The following CDH4 variants were observed in gnomAD, a reference collection of about 807,000 sequenced individuals.
CDH4 encodes the protein cadherin 4.
Under a neutral mutation model 86.0 loss-of-function variants are expected in CDH4, and 33 were observed. The ratio of observed to expected loss-of-function variants is 0.38; its 90% confidence interval spans 0.29 to 0.51. The LOEUF (loss-of-function observed/expected upper bound fraction) is 0.51. Ranked by LOEUF, CDH4 falls within the 20% of genes least tolerant of loss-of-function variation. The pLI is 0.86. For missense variants in CDH4, 1,114 were observed against 1,307.4 expected (o/e 0.85, Z 2.28); for synonymous variants, 555 against 549.4 (o/e 1.01, Z -0.14).
rs1258700813 is a variant in CDH4 at position 61,902,214 on chromosome 20, C to T, written c.1188+7167C>T. ...GCATCGTGGATGGCCGTTTTCAGAG[C>T]AGGGCAGGCAGCACAAACGGATGAA... On this transcript the variant is annotated intron_variant, in intron 8 of 15. Transcript: ENST00000614565. This position sits in a 1 kb window ranked among gnomAD's most constrained non-coding sequence, Gnocchi z 4.6. 6.6e-6 allele frequency among the ~76,000 whole-genome samples: 1 copy of T among 152,210 alleles called. No homozygotes were observed. The highest frequency in any genetic ancestry group is 1.9e-4 in the East Asian group (1 of 5,188).
chr20:61,866,667 A>G (rs1242907166), intron 6 of CDH4, among the ~76,000 whole-genome samples: 1 of 152,200 alleles, frequency 6.6e-6, no homozygotes, highest in Non-Finnish European at 1.5e-5. Flanking sequence ...GCGTTCCAGC[A>G]GGTGTGTTGG....
intron 2 of CDH4, among the ~76,000 whole-genome samples, chr20:61,492,566 G>A (rs1377665065): frequency 6.6e-6 from 1 of 152,210 alleles, no homozygotes; most frequent in Non-Finnish European, 1.5e-5. Context: ...GTGTTGGCTG[G>A]CCTCTCTGCA....
At position 61,782,909 on chromosome 20, in the gene CDH4, C is replaced by G. The variant is rs149227634; in HGVS notation, c.576+9727C>G. Among the ~76,000 whole-genome samples the G allele has an allele frequency of 6.9e-4, 105 of 152,258 alleles. 2 individuals carry two copies. Among genetic ancestry groups the G allele is most frequent in the African/African-American group, 2.5e-3 (103 of 41,558 alleles). ...GACCAGCCTGACCAACATGGTGAAA[C>G]CCCATCTCTACTAAAAATACAAAAA... On this transcript the variant is annotated intron_variant, in intron 4 of 15. Coordinates refer to ENST00000614565, the MANE Select transcript of CDH4 (RefSeq NM_001794.5).
intron 4 of CDH4, among the ~76,000 whole-genome samples, chr20:61,780,282 C>T (rs1312476257): frequency 6.6e-6 from 1 of 152,128 alleles, no homozygotes; most frequent in South Asian, 2.1e-4. Flanking sequence ...AGGGTTTTCC[C>T]GGTGCACCCA....
intron 2 of CDH4, among the ~76,000 whole-genome samples, chr20:61,646,905 G>A (rs77263852): frequency 0.018 from 2,744 of 152,282 alleles, 40 homozygotes; most frequent in African/African-American, 0.041. Flanking sequence ...GAACTTCCAC[G>A]TTGGCTCAAA....
At chr20:61,253,457 GTGGCCGAT>G (rs1044402857) in intron 1 of CDH4, among the ~76,000 whole-genome samples, 1 of 152,022 alleles carries the variant, frequency 6.6e-6, no homozygotes, top group Non-Finnish European at 1.5e-5. Context: ...ACCCCCTCTC[GTGGCCGAT>G]CGGCCTCGCT....
chr20:61,783,060 G>A (rs1397588965), intron 4 of CDH4, among the ~76,000 whole-genome samples: 1 of 152,218 alleles, frequency 6.6e-6, no homozygotes, highest in Non-Finnish European at 1.5e-5. Context: ...ACTCCAGTCT[G>A]GGTAACAGAG....
chr20:61,813,773 AAGCTAT>A (rs1188112346), intron 4 of CDH4, among the ~76,000 whole-genome samples: 2 of 152,134 alleles, frequency 1.3e-5, no homozygotes, highest in South Asian at 2.1e-4. Flanking sequence ...TCTTCCCAGG[AAGCTAT>A]GCCCAACTGC....
At chr20:61,528,363 C>T (rs1316009892) in intron 2 of CDH4, among the ~76,000 whole-genome samples, 1 of 124,280 alleles carries the variant, frequency 8.0e-6, no homozygotes, top group African/African-American at 3.5e-5. Context: ...GGTGAAAGAG[C>T]GAGACTCCCT....
intron 2 of CDH4, among the ~76,000 whole-genome samples, chr20:61,727,041 C>T (rs921256441): frequency 3.3e-5 from 5 of 150,954 alleles, no homozygotes; most frequent in Admixed American, 6.6e-5. Flanking sequence ...TCATCACCAT[C>T]GCTGCTATCA....
chr20:61,815,703 C>G (rs546532505), intron 4 of CDH4, among the ~76,000 whole-genome samples: 1 of 152,204 alleles, frequency 6.6e-6, no homozygotes. Context: ...CCCGGAGGCC[C>G]GGCTGAGGGA....
chr20:61,843,799 GA>G (rs1318490596), intron 4 of CDH4, among the ~76,000 whole-genome samples: 1 of 152,096 alleles, frequency 6.6e-6, no homozygotes, highest in Non-Finnish European at 1.5e-5. Flanking sequence ...TGGGCTTTGA[GA>G]AAAAAAGTAG....
chr20:61,763,190 T>G (rs2088658200), intron 3 of CDH4, among the ~76,000 whole-genome samples: 1 of 152,210 alleles, frequency 6.6e-6, no homozygotes, highest in Admixed American at 6.5e-5. Flanking sequence ...GTCAGGGAAT[T>G]TGAAGCAATT....
rs951221955 is a variant in CDH4, at chr20:61,544,249, A to G, written c.170-199314A>G. On this transcript the variant is annotated intron_variant, in intron 2 of 15. Transcript: ENST00000614565. The surrounding 1 kb of genome is among the most constrained non-coding windows in gnomAD (Gnocchi z 6.5). ...CCAGAGACCACAGTTGTGTATGTAT[A>G]TGGCGGGGTACGGCTGACATCGAGC... Among the ~76,000 whole-genome samples, 4 of 152,074 alleles carry G rather than the reference A, an allele frequency of 2.6e-5. No individual in the cohort carries two copies. Among genetic ancestry groups the G allele is most frequent in the Admixed American group, 6.5e-5 (1 of 15,274 alleles).
intron 2 of CDH4, among the ~76,000 whole-genome samples, chr20:61,699,569 G>C (rs999659944): frequency 6.6e-6 from 1 of 152,210 alleles, no homozygotes; most frequent in Non-Finnish European, 1.5e-5. Flanking sequence ...TCAACAGATT[G>C]CTTCTCACAC....
rs36067606 is a variant in CDH4, at chr20:61,432,833, A to ATTT, written c.169+177916_169+177918dup. Among the ~76,000 whole-genome samples the ATTT allele has an allele frequency of 6.0e-3, 615 of 101,670 alleles. 1 individual carries two copies. The highest frequency in any genetic ancestry group is 8.1e-3 in the Non-Finnish European group (410 of 50,838). 66.7% of individuals were successfully genotyped at this position (101,670 alleles called of 152,430 possible). A position where few individuals can be genotyped will look rare whatever the true frequency, so the allele number is the denominator to read the frequency against. ...TTCTAGTTCTACATTTAAATCCATG[A>ATTT]TTTTTTTTTTTTTTTTTTTTTTGGA... On this transcript the variant is annotated intron_variant, in intron 2 of 15. Transcript: ENST00000614565.
intron 2 of CDH4, among the ~76,000 whole-genome samples, chr20:61,567,681 G>C (rs2086310328): frequency 6.6e-6 from 1 of 152,230 alleles, no homozygotes; most frequent in African/African-American, 2.4e-5. Flanking sequence ...GGGGAAATGA[G>C]CTGGAGGCAT....
At chr20:61,716,582 A>G (rs143291199) in intron 2 of CDH4, among the ~76,000 whole-genome samples, 88 of 152,332 alleles carry the variant, frequency 5.8e-4, no homozygotes, top group Middle Eastern at 3.4e-3. Flanking sequence ...TGTCCCGCAA[A>G]GAAAGACTCA....
chr20:61,729,509 G>A (rs73915374), intron 2 of CDH4, among the ~76,000 whole-genome samples: 2,896 of 152,310 alleles, frequency 0.019, 94 homozygotes, highest in African/African-American at 0.066. Flanking sequence ...TAGGCTCAGA[G>A]CCCTTTCACG....
Sources: gnomAD v4.1 joint callset for allele counts (sites outside exome capture counted in the v4.1 genomes callset) on GRCh38, gnomAD v4.1.1 for gene constraint, Gnocchi (gnomAD v3.1) non-coding constraint, MANE v1.5 for transcripts, NCBI Gene and HGNC (gene_info 2026-07-23, HGNC 2026-07-21) for gene names.